FREM1: variants seen among roughly 807,000 people sequenced by gnomAD.
FREM1 encodes FRAS1 related extracellular matrix 1.
FREM1 carries 220 observed loss-of-function variants against 210.1 expected under a neutral mutation model. The observed-to-expected ratio is 1.05, with a 90% CI of 0.94 to 1.17. The LOEUF (loss-of-function observed/expected upper bound fraction) is 1.17, where lower values mean the gene tolerates loss of function less well. Ranked by LOEUF, FREM1 falls within the 50% of genes most tolerant of loss-of-function variation. FREM1 has a pLI of 0.00. For synonymous variants in FREM1, 1,189 were observed against 980.2 expected (o/e 1.21, Z -3.98); for missense variants, 3,454 against 2,675.5 (o/e 1.29, Z -6.42).
At chr9:14,883,808 T>C (rs1246780849) in intron 1 of FREM1, among the ~76,000 whole-genome samples, 3 of 152,226 alleles carry the variant, frequency 2.0e-5, no homozygotes, top group East Asian at 1.9e-4. Context: ...TCAGAATCCA[T>C]CTGTCCACAG....
In FREM1 at chr9:14,786,243, C is replaced by T. The variant is rs150193952; in HGVS notation, c.4178-1609G>A. Among the ~76,000 whole-genome samples the T allele has an allele frequency of 1.3e-3, 195 of 152,236 alleles. 1 individual carries two copies. Among genetic ancestry groups the T allele is most frequent in the Non-Finnish European group, 2.2e-3 (150 of 68,016 alleles). On this transcript the variant is annotated intron_variant, in intron 23 of 36. Coordinates refer to ENST00000380880, the MANE Select transcript of FREM1 (RefSeq NM_001379081.2). ...ATAAAACATTGAGTGAGAATTCGTA[C>T]GCAAGCCATCTGAGCCCAGAGCACA...
chr9:14,835,658 T>C (rs1412305451), intron 10 of FREM1, among the ~76,000 whole-genome samples: 1 of 152,218 alleles, frequency 6.6e-6, no homozygotes, highest in African/African-American at 2.4e-5. Flanking sequence ...TACAAACCCA[T>C]GGCTGGGCTC....
chr9:14,833,434 AG>A (rs1436356996), intron 10 of FREM1, among the ~76,000 whole-genome samples: 23 of 152,182 alleles, frequency 1.5e-4, no homozygotes, highest in Admixed American at 1.5e-3. Context: ...AGGAGAGCTT[AG>A]GGGCTAAAAA....
chr9:14,901,123 GT>G (rs1043295876), intron 1 of FREM1, among the ~76,000 whole-genome samples: 10 of 152,146 alleles, frequency 6.6e-5, no homozygotes, highest in Admixed American at 6.5e-4. Context: ...TAAGGCTAAA[GT>G]TTTTCATGCT....
Position 14,806,589 on chromosome 9 carries a change from A to G in FREM1, c.3274+72T>C, listed in dbSNP as rs962214307. Reference sequence around the variant, plus strand: ...TTTGAAAGTCCTTACAAAGTTATTAAGCATGACCTGGCCAATCGCTTCCAT... The same window carrying G: ...TTTGAAAGTCCTTACAAAGTTATTAGGCATGACCTGGCCAATCGCTTCCAT... On this transcript the variant is annotated intron_variant, in intron 18 of 36. Transcript: ENST00000380880. 3 of 908,100 alleles carry G rather than the reference A, an allele frequency of 3.3e-6. No individual in the cohort carries two copies. The African/African-American group carries it at 5.0e-5, about 15-fold the overall frequency. The allele number at this position is 908,100 out of a possible 1,614,324, so 56.3% of individuals were successfully genotyped here. A position where few individuals can be genotyped will look rare whatever the true frequency, so the allele number is the denominator to read the frequency against.
intron 1 of FREM1, among the ~76,000 whole-genome samples, chr9:14,873,242 T>C (rs559217781): frequency 6.6e-6 from 1 of 152,176 alleles, no homozygotes; most frequent in African/African-American, 2.4e-5. Flanking sequence ...TCAGAAGGAA[T>C]GGTACCAGCT....
In FREM1 at chr9:14,749,558, C is replaced by G. The variant is rs890502280; in HGVS notation, c.5557+569G>C. ...GAAAAAAATCAGAGCACCAAAGAGT[C>G]TGGCTGGTCTTTATTTTATTTAGTT... On this transcript the variant is annotated intron_variant, in intron 30 of 36. Coordinates refer to ENST00000380880, the MANE Select transcript of FREM1 (RefSeq NM_001379081.2). Among the ~76,000 whole-genome samples the G allele has an allele frequency of 7.2e-5, 11 of 152,186 alleles. No homozygotes were observed. In the South Asian group the frequency reaches 2.3e-3, roughly 31 times the overall value.
At position 14,859,322 on chromosome 9, in the gene FREM1, A is replaced by C; in HGVS notation, c.492T>G (p.Asp164Glu). The change falls in exon 4 of 37, where the codon GAT becomes GAG. Residue 164 changes from aspartate to glutamate, a missense_variant. Transcript: ENST00000380880. ...CGGTACATTCCAGGCTAGCCATCCTATCATAATCGAATCTGAGCAGATTTT... is the reference window on the plus strand; with the variant it reads ...CGGTACATTCCAGGCTAGCCATCCTCTCATAATCGAATCTGAGCAGATTTT... ...IDKNLLRFDYDRMASLECTVS... is the reference protein window; with the variant it reads ...IDKNLLRFDYERMASLECTVS... The C allele has an allele frequency of 1.2e-6, 2 of 1,613,818 alleles. No individual in the cohort carries two copies. The highest frequency in any genetic ancestry group is 1.7e-6 in the Non-Finnish European group (2 of 1,179,860).
At chr9:14,874,514 T>A (rs1315382830) in intron 1 of FREM1, among the ~76,000 whole-genome samples, 1 of 150,596 alleles carries the variant, frequency 6.6e-6, no homozygotes, top group Non-Finnish European at 1.5e-5. Context: ...GTTTTCCATT[T>A]GCTTGGTAGA....
chr9:14,795,119 G>C (rs373206069), intron 21 of FREM1, among the ~76,000 whole-genome samples: 20 of 152,248 alleles, frequency 1.3e-4, no homozygotes, highest in African/African-American at 4.1e-4. Context: ...TGGGGGACTA[G>C]CTTGTCTTTG....
chr9:14,812,536 A>G (rs7851554), intron 16 of FREM1, among the ~76,000 whole-genome samples: 4,711 of 152,234 alleles, frequency 0.031, 212 homozygotes, highest in African/African-American at 0.1. Context: ...AACGCTAAGG[A>G]GAATCATAGG....
Position 14,857,619 on chromosome 9 carries a change from TGAAGGG to T in FREM1, c.756_761del (p.Ser254_Pro255del). On this transcript the variant is annotated inframe_deletion, in exon 5 of 37. Transcript: ENST00000380880. ...GGATGGAGATATAATCAATGTTGGG[TGAAGGG>T]GGATCCAGATGCTGATAACGAAGGC... The T allele has an allele frequency of 6.2e-7, 1 of 1,613,730 alleles. No homozygotes were observed. Among genetic ancestry groups the T allele is most frequent in the Non-Finnish European group, 8.5e-7 (1 of 1,179,806 alleles).
intron 2 of FREM1, among the ~76,000 whole-genome samples, chr9:14,864,259 G>C (rs1422557794): frequency 6.6e-6 from 1 of 152,194 alleles, no homozygotes; most frequent in African/African-American, 2.4e-5. Context: ...GGGGTTCACA[G>C]CAATTGAGTT....
intron 10 of FREM1, among the ~76,000 whole-genome samples, chr9:14,827,242 AC>A (rs1254475098): frequency 6.6e-6 from 1 of 152,228 alleles, no homozygotes; most frequent in African/African-American, 2.4e-5. Context: ...AGACATACAA[AC>A]AGTAAAGGCC....
In FREM1 at chr9:14,737,387, C is replaced by T; in HGVS notation, c.*9G>A. The T allele has an allele frequency of 6.2e-7, 1 of 1,609,708 alleles. No individual in the cohort carries two copies. The highest frequency in any genetic ancestry group is 8.5e-7 in the Non-Finnish European group (1 of 1,177,106). ...AACTCCAGGTGGCCCCCTGTAGGGT[C>T]TGTTATATTTAGAGTTTTCTGGAAC... On this transcript the variant is annotated 3_prime_UTR_variant, in exon 37 of 37. Coordinates refer to ENST00000380880, the MANE Select transcript of FREM1 (RefSeq NM_001379081.2).
At position 14,748,616 on chromosome 9, in the gene FREM1, A is replaced by G; in HGVS notation, c.5581T>C (p.Ser1861Pro). 6.2e-7 allele frequency: 1 copy of G among 1,613,182 alleles called. No individual in the cohort carries two copies. The highest frequency in any genetic ancestry group is 8.5e-7 in the Non-Finnish European group (1 of 1,179,416). Residue 1861 changes from serine to proline, a missense_variant, in exon 31 of 37, where the codon TCC (serine) becomes CCC (proline). By Grantham distance (74) the Ser-to-Pro change is moderately conservative (BLOSUM62 -1). Transcript: ENST00000380880. ...KGGQCHPSYS[S>P]NQSKHSTWEK... ...CATGTGCTGTGCTTGCTTTGGTTGG[A>G]GGAATATGAAGGATGGCATTGTCCT... is the stretch of plus-strand genomic sequence containing the variant.
intron 16 of FREM1, 63 bp downstream of exon 16, chr9:14,812,749 A>G (rs1012448246): frequency 6.7e-7 from 1 of 1,501,264 alleles, no homozygotes; most frequent in Non-Finnish European, 9.0e-7. Context: ...GGGAGCCCAC[A>G]CTGAGGAGTG....
chr9:14,875,743 G>C (rs1833592287), intron 1 of FREM1, among the ~76,000 whole-genome samples: 1 of 151,792 alleles, frequency 6.6e-6, no homozygotes, highest in Non-Finnish European at 1.5e-5. Flanking sequence ...TGGAGGAGGA[G>C]AGGCGCTCTG....
intron 21 of FREM1, among the ~76,000 whole-genome samples, chr9:14,794,730 T>G (rs1852033504): frequency 6.6e-6 from 1 of 152,112 alleles, no homozygotes; most frequent in South Asian, 2.1e-4. Context: ...CCGGGCGCAG[T>G]GCCTCATGCC....
Sources: allele counts gnomAD v4.1 joint callset (sites outside exome capture counted in the v4.1 genomes callset), GRCh38; gene constraint gnomAD v4.1.1; transcripts MANE v1.5; gene names NCBI Gene and HGNC (gene_info 2026-07-23, HGNC 2026-07-21).